The following BAG3 variants were observed in gnomAD, a reference collection of about 807,000 sequenced individuals.
BAG3 encodes the protein BAG cochaperone 3, also known as BAG family molecular chaperone regulator 3.
BAG3 carries 14 observed loss-of-function variants against 40.5 expected under a neutral mutation model. The ratio of observed to expected loss-of-function variants is 0.35; its 90% confidence interval spans 0.23 to 0.54. The LOEUF (loss-of-function observed/expected upper bound fraction) is 0.54, where lower values mean the gene tolerates loss of function less well. Ranked by LOEUF, BAG3 falls within the 20% of genes least tolerant of loss-of-function variation. The pLI, the probability that BAG3 is intolerant of heterozygous loss-of-function variation, is 0.91. For synonymous variants in BAG3, 302 were observed against 307.8 expected (o/e 0.98, Z 0.20); for missense variants, 788 against 758.6 (o/e 1.04, Z -0.46).
intron 1 of BAG3, among the ~76,000 whole-genome samples, chr10:119,660,345 G>A (rs961823658): frequency 1.1e-4 from 16 of 152,192 alleles, no homozygotes; most frequent in Admixed American, 3.3e-4. Context: ...CCAGAGCAGC[G>A]GCCCAGCCTG....
At chr10:119,659,111 C>T (rs549748445) in intron 1 of BAG3, among the ~76,000 whole-genome samples, 51 of 152,278 alleles carry the variant, frequency 3.3e-4, no homozygotes, top group African/African-American at 1.2e-3. Context: ...TGGGGCTTCC[C>T]GTGCCCCTTG....
Position 119,677,784 on chromosome 10 carries a change from T to A in BAG3, c.*502T>A, listed in dbSNP as rs181519469. 1.9e-4 allele frequency: 31 copies of A among 161,140 alleles called. No individual in the cohort carries two copies. The South Asian group carries it at 3.6e-3, about 19-fold the overall frequency. 10.0% of individuals were successfully genotyped at this position (161,140 alleles called of 1,614,324 possible). Reference sequence around the variant, plus strand: ...GTTGGATGACTTTAATGCTACATTTTAAAAAAAGAAAATAAAGTAATAATA... The same window carrying A: ...GTTGGATGACTTTAATGCTACATTTAAAAAAAAGAAAATAAAGTAATAATA... On this transcript the variant is annotated 3_prime_UTR_variant, in exon 4 of 4. Transcript: ENST00000369085.
At chr10:119,653,976 T>C (rs1418091566) in intron 1 of BAG3, among the ~76,000 whole-genome samples, 2 of 152,202 alleles carry the variant, frequency 1.3e-5, no homozygotes, top group Non-Finnish European at 2.9e-5. Context: ...ATGATGGGAC[T>C]GATGAACTCA....
rs533450478 is a variant in BAG3 at position 119,667,335 on chromosome 10, G to A, written c.181-2516G>A. On this transcript the variant is annotated intron_variant, in intron 1 of 3. Coordinates refer to ENST00000369085, the MANE Select transcript of BAG3 (RefSeq NM_004281.4). ...GAGTCTGAAAAGCATAATTTTGTGCGTATTTAGGGAGAAACTCACATTTAT... is the reference window on the plus strand; with the variant it reads ...GAGTCTGAAAAGCATAATTTTGTGCATATTTAGGGAGAAACTCACATTTAT... Among the ~76,000 whole-genome samples the A allele has an allele frequency of 4.6e-5, 7 of 152,264 alleles. No homozygotes were observed. The East Asian group carries it at 7.7e-4, about 17-fold the overall frequency.
rs1420145729 is a variant in BAG3 at position 119,676,523 on chromosome 10, T to C, written c.969T>C (p.Ser323=). 1 of 1,613,590 alleles carries C rather than the reference T, an allele frequency of 6.2e-7. No homozygotes were observed. The highest frequency in any genetic ancestry group is 8.5e-7 in the Non-Finnish European group (1 of 1,179,956). Residue 323 remains serine (S), a synonymous_variant, in exon 4 of 4, where the codon AGT becomes AGC. Transcript: ENST00000369085. ...CCCAGCCTGAAAACAAACCAGAAAG[T>C]AAGCCAGGCCCAGTTGGACCAGAAC... ...PVSQPENKPE[S]KPGPVGPELP... is the part of the protein sequence containing the mutation.
intron 1 of BAG3, among the ~76,000 whole-genome samples, chr10:119,652,808 C>T (rs1589620564): frequency 6.6e-6 from 1 of 152,184 alleles, no homozygotes; most frequent in Admixed American, 6.5e-5. Context: ...ATATATACTT[C>T]TTAATCCCCA....
chr10:119,661,127 G>A (rs929644064), intron 1 of BAG3, among the ~76,000 whole-genome samples: 3 of 152,114 alleles, frequency 2.0e-5, no homozygotes, highest in African/African-American at 7.2e-5. Context: ...GGGCGTGGTG[G>A]CAGGTGCCTG....
rs755525021 is a variant in BAG3, at chr10:119,669,939, G to A, written c.269G>A (p.Arg90Gln). ...GGCCACCCTGTGTACCCCCAGCTCC[G>A]ACCAGGCTACATTCCCATTCCTGTG... ...REGHPVYPQL[R>Q]PGYIPIPVLH... Residue 90 changes from arginine (R) to glutamine (Q), a missense_variant, in exon 2 of 4, where the codon CGA becomes CAA. Coordinates refer to ENST00000369085, the MANE Select transcript of BAG3 (RefSeq NM_004281.4). The A allele has an allele frequency of 4.3e-6, 7 of 1,614,192 alleles. No individual in the cohort carries two copies. The highest frequency in any genetic ancestry group is 3.3e-5 in the South Asian group (3 of 91,082).
intron 1 of BAG3, among the ~76,000 whole-genome samples, chr10:119,652,732 A>G (rs1286839839): frequency 2.0e-5 from 3 of 152,250 alleles, no homozygotes; most frequent in Non-Finnish European, 2.9e-5. Context: ...ACCAGTACAC[A>G]AATAACTGAC....
rs1232169723 is a variant in BAG3 at position 119,651,711 on chromosome 10, G to A, written c.36G>A (p.Val12=). The part of the protein sequence containing the change: ...SAATHSPMMQ[V]ASGNGDRDPL... ...CCACCCACTCGCCCATGATGCAGGT[G>A]GCGTCCGGCAACGGTGACCGCGACC... Residue 12 remains valine (V), a synonymous_variant, in exon 1 of 4, where the codon GTG becomes GTA. Coordinates refer to ENST00000369085, the MANE Select transcript of BAG3 (RefSeq NM_004281.4). 3 of 1,595,000 alleles carry A rather than the reference G, an allele frequency of 1.9e-6. No homozygotes were observed. The highest frequency in any genetic ancestry group is 2.6e-6 in the Non-Finnish European group (3 of 1,171,590).
At chr10:119,662,257 CAG>C (rs1424216394) in intron 1 of BAG3, among the ~76,000 whole-genome samples, 1 of 123,780 alleles carries the variant, frequency 8.1e-6, no homozygotes, top group African/African-American at 3.2e-5. Flanking sequence ...TTAGTAGAGA[CAG>C]GGTTTCACCA....
intron 1 of BAG3, among the ~76,000 whole-genome samples, chr10:119,666,707 C>T (rs900224663): frequency 1.3e-5 from 1 of 77,544 alleles, no homozygotes; most frequent in Non-Finnish European, 2.9e-5. Flanking sequence ...GACTCCAAGC[C>T]CTGGAAGGGT....
chr10:119,669,187 A>G (rs1847106150), intron 1 of BAG3, among the ~76,000 whole-genome samples: 1 of 152,182 alleles, frequency 6.6e-6, no homozygotes, highest in Admixed American at 6.5e-5. Flanking sequence ...TCGGAAGCCT[A>G]AGATTTGGTC....
At chr10:119,675,477 A>C (rs1488630845) in intron 3 of BAG3, among the ~76,000 whole-genome samples, 4 of 152,300 alleles carry the variant, frequency 2.6e-5, no homozygotes, top group African/African-American at 9.6e-5. Flanking sequence ...TCTGGAGTTA[A>C]CCATTTAGAG....
At position 119,668,800 on chromosome 10, in the gene BAG3, G is replaced by A. The variant is rs143901753; in HGVS notation, c.181-1051G>A. Among the ~76,000 whole-genome samples the A allele has an allele frequency of 1.9e-3, 293 of 152,346 alleles. 1 individual carries two copies. The highest frequency in any genetic ancestry group is 6.8e-3 in the African/African-American group (283 of 41,586). On this transcript the variant is annotated intron_variant, in intron 1 of 3. Transcript: ENST00000369085. ...AAGAAAAAGTTCTTCAGTGATACTT[G>A]TTAAAGCACAGTCAGGAAGATTTAT...
chr10:119,675,784 T>TCCCTTCCCCCCTTCCCCTTCCCCCCTTC (rs1215247676), intron 3 of BAG3, among the ~76,000 whole-genome samples: 1 of 12,066 alleles, frequency 8.3e-5, no homozygotes, highest in Admixed American at 7.2e-4. Context: ...TCCCTCCCCC[T>TCCCTTCCCCCCTTCCCCTTCCCCCCTTC]CCCTTCCCCC....
intron 2 of BAG3, among the ~76,000 whole-genome samples, chr10:119,671,771 G>GTGTTT (rs553457382): frequency 2.9e-4 from 44 of 152,238 alleles, no homozygotes; most frequent in East Asian, 5.8e-4. Context: ...GTGTGTGTGT[G>GTGTTT]TGTTTTGTTT....
intron 1 of BAG3, among the ~76,000 whole-genome samples, chr10:119,664,221 C>T (rs1847029878): frequency 6.6e-6 from 1 of 152,150 alleles, no homozygotes; most frequent in African/African-American, 2.4e-5. Flanking sequence ...TTTCTCTAAT[C>T]ATAATATCTT....
At position 119,651,612 on chromosome 10, in the gene BAG3, A is replaced by G. The variant is rs1846840244; in HGVS notation, c.-64A>G. ...AGGGGCCCACGGCGGCGGCCCGGCC[A>G]GAGACTCGGCGCCCGGAGCCAGCGC... On this transcript the variant is annotated 5_prime_UTR_variant, in exon 1 of 4. Transcript: ENST00000369085. 1.1e-5 allele frequency: 16 copies of G among 1,395,486 alleles called. No individual in the cohort carries two copies. The highest frequency in any genetic ancestry group is 3.1e-5 in the East Asian group (1 of 32,280). The allele number at this position is 1,395,486 out of a possible 1,614,324, so 86.4% of individuals were successfully genotyped here. A position where few individuals can be genotyped will look rare whatever the true frequency, so the allele number is the denominator to read the frequency against.
Sources: allele counts gnomAD v4.1 joint callset (sites outside exome capture counted in the v4.1 genomes callset), GRCh38; gene constraint gnomAD v4.1.1; transcripts MANE v1.5; gene names NCBI Gene and HGNC (gene_info 2026-07-23, HGNC 2026-07-21).